The following IRF2 variants were observed in gnomAD, a reference collection of about 807,000 sequenced individuals.
The protein encoded by IRF2 is interferon regulatory factor 2.
In IRF2, 15 loss-of-function variants were observed where a neutral mutation model predicts 40.6. The observed-to-expected ratio is 0.37, with a 90% confidence interval of 0.25 to 0.57. IRF2 has a LOEUF of 0.57. IRF2 is among the 20% of genes least tolerant of loss of function. IRF2 has a pLI of 0.77. For synonymous variants in IRF2, 151 were observed against 165.5 expected (o/e 0.91, Z 0.67); for missense variants, 317 against 455.7 (o/e 0.70, Z 2.77).
chr4:184,419,809 C>T (rs946814689), intron 2 of IRF2, among the ~76,000 whole-genome samples: 14 of 152,192 alleles, frequency 9.2e-5, no homozygotes, highest in African/African-American at 3.1e-4. Context: ...GAATGTTTTC[C>T]AAGGTCAAAG....
At chr4:184,470,113 C>T (rs1739463259) in intron 1 of IRF2, among the ~76,000 whole-genome samples, 1 of 152,172 alleles carries the variant, frequency 6.6e-6, no homozygotes, top group Non-Finnish European at 1.5e-5. Flanking sequence ...ACACTCAGGC[C>T]AAACACAGGG....
chr4:184,447,644 C>T (rs376241033), intron 1 of IRF2, among the ~76,000 whole-genome samples: 3 of 152,098 alleles, frequency 2.0e-5, no homozygotes, highest in East Asian at 1.9e-4. Flanking sequence ...ATGAACGTTA[C>T]GAATTAAGGG....
chr4:184,451,913 T>A (rs982762249), intron 1 of IRF2, among the ~76,000 whole-genome samples: 2 of 152,138 alleles, frequency 1.3e-5, no homozygotes, highest in Admixed American at 6.5e-5. Flanking sequence ...AACAAGAAGA[T>A]AAGTTAGCAG....
At chr4:184,460,735 A>T (rs1318721034) in intron 1 of IRF2, among the ~76,000 whole-genome samples, 1 of 152,052 alleles carries the variant, frequency 6.6e-6, no homozygotes, top group African/African-American at 2.4e-5. Flanking sequence ...AGAGAAAAGG[A>T]AGCATTTTCA....
At chr4:184,441,304 G>A (rs550144508) in intron 1 of IRF2, among the ~76,000 whole-genome samples, 1 of 152,308 alleles carries the variant, frequency 6.6e-6, no homozygotes, top group South Asian at 2.1e-4. Flanking sequence ...AGTCAACAAG[G>A]TGGCTCCTGA....
At chr4:184,433,523 T>C (rs1209394764) in intron 1 of IRF2, among the ~76,000 whole-genome samples, 1 of 152,180 alleles carries the variant, frequency 6.6e-6, no homozygotes, top group Non-Finnish European at 1.5e-5. Flanking sequence ...ATTAGAAAAG[T>C]TCACAATCTT....
rs182885410 is a variant in IRF2 at position 184,433,256 on chromosome 4, G to A, written c.-6-4186C>T. On this transcript the variant is annotated intron_variant, in intron 1 of 8. Coordinates refer to ENST00000393593, the MANE Select transcript of IRF2 (RefSeq NM_002199.4). ...AATCCCAAGTCAGTGGATTCCAGGC[G>A]ACCGCTGTGGTCTGCATCTCTGACA... Among the ~76,000 whole-genome samples the A allele has an allele frequency of 5.0e-4, 76 of 152,284 alleles. 1 individual carries two copies. The highest frequency in any genetic ancestry group is 1.0e-3 in the South Asian group (5 of 4,818).
intron 7 of IRF2, among the ~76,000 whole-genome samples, chr4:184,391,647 T>A (rs779244058): frequency 6.6e-6 from 1 of 152,178 alleles, no homozygotes; most frequent in Non-Finnish European, 1.5e-5. Flanking sequence ...AGCCAACACC[T>A]CCATGGCAGG....
At chr4:184,443,360 C>T (rs920109537) in intron 1 of IRF2, among the ~76,000 whole-genome samples, 4 of 152,182 alleles carry the variant, frequency 2.6e-5, no homozygotes, top group African/African-American at 9.7e-5. Context: ...AACCCTTGCC[C>T]TACTTCCTCT....
chr4:184,434,500 A>G (rs1189314337), intron 1 of IRF2, among the ~76,000 whole-genome samples: 1 of 152,182 alleles, frequency 6.6e-6, no homozygotes, highest in Non-Finnish European at 1.5e-5. Context: ...CTAATATATG[A>G]GCAACCTGTA....
intron 6 of IRF2, among the ~76,000 whole-genome samples, chr4:184,404,369 A>C (rs1407947613): frequency 6.6e-6 from 1 of 152,138 alleles, no homozygotes; most frequent in Admixed American, 6.5e-5. Context: ...TTCTTAATCA[A>C]ATATATTTTA....
chr4:184,407,654 G>A (rs967208462), intron 6 of IRF2, among the ~76,000 whole-genome samples: 7 of 152,110 alleles, frequency 4.6e-5, no homozygotes, highest in African/African-American at 1.7e-4. Flanking sequence ...AAGAAATTGG[G>A]CCTCCTCCAT....
intron 7 of IRF2, among the ~76,000 whole-genome samples, chr4:184,392,934 G>A (rs1736309413): frequency 6.6e-6 from 1 of 152,116 alleles, no homozygotes; most frequent in South Asian, 2.1e-4. Context: ...GAGCCACAGA[G>A]ACCCAGAGAA....
chr4:184,432,758 G>T (rs117256412), intron 1 of IRF2, among the ~76,000 whole-genome samples: 1 of 152,232 alleles, frequency 6.6e-6, no homozygotes, highest in Non-Finnish European at 1.5e-5. Flanking sequence ...GGATGGGCAC[G>T]TGAAGCCAAA....
chr4:184,463,316 G>A (rs2310047), intron 1 of IRF2, among the ~76,000 whole-genome samples: 2 of 152,034 alleles, frequency 1.3e-5, no homozygotes, highest in Non-Finnish European at 2.9e-5. Flanking sequence ...TTCACACCTT[G>A]ATTGATTTCC....
chr4:184,438,676 C>T lies in IRF2; in HGVS notation c.-6-9606G>A, dbSNP rs552577634. ...CCTCCCAAAGTCCTGGGATCACAGG[C>T]GTGAGCCCCGCGCCTGGCCTAATAT... On this transcript the variant is annotated intron_variant, in intron 1 of 8. Transcript: ENST00000393593. 8.5e-5 allele frequency among the ~76,000 whole-genome samples: 13 copies of T among 152,284 alleles called. No individual in the cohort carries two copies. The South Asian group carries it at 1.9e-3, about 22-fold the overall frequency.
intron 1 of IRF2, among the ~76,000 whole-genome samples, chr4:184,452,975 T>C (rs955079904): frequency 5.3e-5 from 8 of 152,102 alleles, no homozygotes; most frequent in Admixed American, 1.3e-4. Flanking sequence ...GACCCAGCCA[T>C]GTCACTTCTA....
chr4:184,390,103 C>CCT (rs959424684), intron 8 of IRF2, among the ~76,000 whole-genome samples: 1 of 151,812 alleles, frequency 6.6e-6, no homozygotes. Flanking sequence ...TTGCTCCCTC[C>CCT]CTCTCTCTCT....
chr4:184,427,906 G>A (rs781130414), intron 2 of IRF2, among the ~76,000 whole-genome samples: 1 of 152,130 alleles, frequency 6.6e-6, no homozygotes, highest in Non-Finnish European at 1.5e-5. Context: ...AAAGGGGAGG[G>A]AGTGGAGAAG....
Sources: gnomAD v4.1 joint callset for allele counts (sites outside exome capture counted in the v4.1 genomes callset) on GRCh38, gnomAD v4.1.1 for gene constraint, MANE v1.5 for transcripts, NCBI Gene and HGNC (gene_info 2026-07-23, HGNC 2026-07-21) for gene names.